Variants in NXN observed in about 807,000 individuals in gnomAD.
NXN encodes the protein nucleoredoxin.
NXN carries 16 observed loss-of-function variants against 48.6 expected under a neutral mutation model. That is an observed-to-expected ratio of 0.33 (90% CI 0.22 to 0.50). NXN has a LOEUF of 0.50. Among genes scored for constraint, NXN ranks in the 20% least tolerant of loss-of-function variants. The pLI is 0.98. For synonymous variants in NXN, 281 were observed against 269.6 expected, an observed-to-expected ratio of 1.04 and a Z score of -0.41; for missense variants, 492 against 605.5, an observed-to-expected ratio of 0.81 and a Z score of 1.97.
rs186625264 is a variant in NXN at position 807,625 on chromosome 17, G to A, written c.821-2378C>T. Among the ~76,000 whole-genome samples the A allele has an allele frequency of 7.0e-4, 107 of 152,306 alleles. 5 individuals are homozygous for A. The highest frequency in any genetic ancestry group is 1.8e-3 in the Admixed American group (28 of 15,300). On this transcript the variant is annotated intron_variant, in intron 5 of 7. Transcript: ENST00000336868. ...GCACTCAGGGGCTTCCCCGAGGAAC[G>A]GCTCCTCCTAAGACGAGGTGTGCCG...
intron 1 of NXN, chr17:877,857 G>A (rs1208560587): frequency 6.6e-6 from 1 of 152,382 alleles, no homozygotes. Flanking sequence ...GAAACAGCAA[G>A]AGGCAGGCAG....
At chr17:869,334 G>A (rs2068127020) in intron 1 of NXN, among the ~76,000 whole-genome samples, 1 of 152,116 alleles carries the variant, frequency 6.6e-6, no homozygotes. Context: ...TCCAGCTTCT[G>A]ACTCACCAGG....
rs559961747 is a variant in NXN, at chr17:869,632, C to T, written c.361-43554G>A. Among the ~76,000 whole-genome samples, 5 of 152,350 alleles carry T rather than the reference C, an allele frequency of 3.3e-5. No homozygotes were observed. In the East Asian group the frequency reaches 9.6e-4, roughly 29 times the overall value. On this transcript the variant is annotated intron_variant, in intron 1 of 7. Coordinates refer to ENST00000336868, the MANE Select transcript of NXN (RefSeq NM_022463.5). ...ACATATGTAGGTTTCAATGAAATCA[C>T]TCAGGGAGCCCTCCCCACTCGGGAA...
intron 1 of NXN, among the ~76,000 whole-genome samples, chr17:915,138 A>G (rs767733664): frequency 3.1e-4 from 47 of 152,108 alleles, no homozygotes; most frequent in East Asian, 7.8e-4. Context: ...GTTTCACCAT[A>G]TTGGCCAGGC....
At chr17:854,328 C>A (rs774512006) in intron 1 of NXN, among the ~76,000 whole-genome samples, 1 of 152,164 alleles carries the variant, frequency 6.6e-6, no homozygotes, top group African/African-American at 2.4e-5. Context: ...AACGATCCCA[C>A]CTGCTCACCT....
At chr17:896,854 A>AGCGGGGGGGGGGGGG in intron 1 of NXN, 2 of 908,608 alleles carry the variant, frequency 2.2e-6, no homozygotes, top group Non-Finnish European at 3.0e-6. Context: ...CGCGGTCCTG[A>AGCGGGGGGGGGGGGG]CCACCCGCCC....
In NXN at chr17:952,066, G is replaced by C. The variant is rs1379068551; in HGVS notation, c.360+27253C>G. On this transcript the variant is annotated intron_variant, in intron 1 of 7. Transcript: ENST00000336868. ...AAAGAAGGGGCGTTTCCGTTTTTGT[G>C]GGGGGCGGTGGTGGTTGTGGTTTTT... is the stretch of plus-strand genomic sequence containing the variant. Among the ~76,000 whole-genome samples, 4 of 152,148 alleles carry C rather than the reference G, an allele frequency of 2.6e-5. No individual in the cohort carries two copies. In the East Asian group the frequency reaches 7.7e-4, roughly 29 times the overall value.
At position 963,902 on chromosome 17, in the gene NXN, C is replaced by T. The variant is rs375104391; in HGVS notation, c.360+15417G>A. Among the ~76,000 whole-genome samples the T allele has an allele frequency of 2.2e-3, 329 of 151,110 alleles. 1 individual carries two copies. The highest frequency in any genetic ancestry group is 7.4e-3 in the African/African-American group (306 of 41,158). On this transcript the variant is annotated intron_variant, in intron 1 of 7. Coordinates refer to ENST00000336868, the MANE Select transcript of NXN (RefSeq NM_022463.5). ...ACCATCGTGGCTAACGTGGTGAAAC[C>T]CCGTCTCTACTAAAAATACAAAAAA...
intron 1 of NXN, among the ~76,000 whole-genome samples, chr17:856,204 G>A (rs1379392530): frequency 6.6e-6 from 1 of 151,256 alleles, no homozygotes; most frequent in South Asian, 2.1e-4. Flanking sequence ...AAAAAAAAAA[G>A]AGGGTCTGAT....
At chr17:843,409 C>T (rs1327144000) in intron 1 of NXN, among the ~76,000 whole-genome samples, 1 of 152,218 alleles carries the variant, frequency 6.6e-6, no homozygotes, top group African/African-American at 2.4e-5. Context: ...GCCGACACCA[C>T]AGACGGAGGG....
intron 1 of NXN, among the ~76,000 whole-genome samples, chr17:852,299 A>G (rs1194835768): frequency 1.3e-5 from 2 of 152,140 alleles, no homozygotes; most frequent in African/African-American, 2.4e-5. Flanking sequence ...CCTCAGCCAC[A>G]GCCTCAGTCG....
chr17:902,630 G>A (rs1792800006), intron 1 of NXN, among the ~76,000 whole-genome samples: 1 of 152,006 alleles, frequency 6.6e-6, no homozygotes, highest in Non-Finnish European at 1.5e-5. Flanking sequence ...CGAAGGAGAC[G>A]TGAGGAAAAA....
chr17:833,271 C>G (rs1913598897), intron 1 of NXN, among the ~76,000 whole-genome samples: 1 of 152,150 alleles, frequency 6.6e-6, no homozygotes, highest in African/African-American at 2.4e-5. Flanking sequence ...GGAGCTGCAT[C>G]TGTGGGCGCC....
chr17:833,171 A>C (rs372764925), intron 1 of NXN, among the ~76,000 whole-genome samples: 3 of 152,082 alleles, frequency 2.0e-5, no homozygotes, highest in African/African-American at 7.2e-5. Flanking sequence ...GATTACAGGC[A>C]TGAGCCACCG....
chr17:892,063 C>T (rs1400238807), intron 1 of NXN, among the ~76,000 whole-genome samples: 2 of 151,856 alleles, frequency 1.3e-5, no homozygotes, highest in Non-Finnish European at 2.9e-5. Flanking sequence ...TAAACTAACC[C>T]CACCATGCAC....
At chr17:854,686 C>T (rs1282452691) in intron 1 of NXN, among the ~76,000 whole-genome samples, 9 of 145,344 alleles carry the variant, frequency 6.2e-5, no homozygotes, top group South Asian at 4.4e-4. Flanking sequence ...CAGCCGGGCA[C>T]GGTGGCTCAC....
chr17:832,857 T>C (rs1913564452), intron 1 of NXN, among the ~76,000 whole-genome samples: 2 of 152,156 alleles, frequency 1.3e-5, no homozygotes, highest in South Asian at 2.1e-4. Flanking sequence ...GCTGGGTTAG[T>C]GGGGAAAAAA....
Position 800,997 on chromosome 17 carries a change from G to T in NXN, c.1260C>A (p.Ala420=). The change falls in exon 8 of 8, where the codon GCC becomes GCA. Residue 420 remains alanine (A), a synonymous_variant. Coordinates refer to ENST00000336868, the MANE Select transcript of NXN (RefSeq NM_022463.5). ...TCTCTGCTAGGAAGTCATTCACAAA[G>T]GCCTCCACGATGGCGGGGGTGATCT... ...VEEITPAIVE[A]FVNDFLAEKL... The T allele has an allele frequency of 6.4e-7, 1 of 1,559,672 alleles. No homozygotes were observed. The highest frequency in any genetic ancestry group is 8.7e-7 in the Non-Finnish European group (1 of 1,150,690).
At position 871,399 on chromosome 17, in the gene NXN, C is replaced by CTT. The variant is rs11345310; in HGVS notation, c.361-45323_361-45322dup. 6.0e-3 allele frequency among the ~76,000 whole-genome samples: 607 copies of CTT among 101,660 alleles called. 1 individual carries two copies. Among genetic ancestry groups the CTT allele is most frequent in the East Asian group, 8.2e-3 (22 of 2,668 alleles). The allele number at this position is 101,660 out of a possible 152,430, so 66.7% of individuals were successfully genotyped here. A position where few individuals can be genotyped will look rare whatever the true frequency, so the allele number is the denominator to read the frequency against. On this transcript the variant is annotated intron_variant, in intron 1 of 7. Coordinates refer to ENST00000336868, the MANE Select transcript of NXN (RefSeq NM_022463.5). Reference sequence around the variant, plus strand: ...TGATAAATCGCAGCATACGCATTCACTTTTTTTTTTTTTTTTTTTTTTTGA... The same window carrying CTT: ...TGATAAATCGCAGCATACGCATTCACTTTTTTTTTTTTTTTTTTTTTTTTTGA...
Sources: gnomAD v4.1 joint callset for allele counts (sites outside exome capture counted in the v4.1 genomes callset) on GRCh38, gnomAD v4.1.1 for gene constraint, MANE v1.5 for transcripts, NCBI Gene and HGNC (gene_info 2026-07-23, HGNC 2026-07-21) for gene names.